PLEKHA5: variants seen among roughly 807,000 people sequenced by gnomAD.
PLEKHA5 encodes pleckstrin homology domain-containing family A member 5.
Under a neutral mutation model 181.9 loss-of-function variants are expected in PLEKHA5, and 55 were observed. The ratio of observed to expected loss-of-function variants is 0.30; its 90% CI spans 0.24 to 0.38. The LOEUF (loss-of-function observed/expected upper bound fraction) is 0.38, where lower values mean the gene tolerates loss of function less well. Ranked by LOEUF, PLEKHA5 falls within the 10% of genes least tolerant of loss-of-function variation. PLEKHA5 has a pLI of 1.00. For synonymous variants in PLEKHA5, 535 were observed against 529.4 expected (o/e 1.01, Z -0.15); for missense variants, 1,432 against 1,549.5 (o/e 0.92, Z 1.27).
chr12:19,321,346 TTTTCTTTTCTTTTC>T (rs1414286641), intron 18 of PLEKHA5, among the ~76,000 whole-genome samples: 4 of 82,624 alleles, frequency 4.8e-5, no homozygotes, highest in Non-Finnish European at 1.2e-4. Context: ...TTTTCTTTTC[TTTTCTTTTCTTTTC>T]TTTTTTTTTT....
At chr12:19,279,802 C>T (rs2075591927) in intron 11 of PLEKHA5, among the ~76,000 whole-genome samples, 1 of 151,836 alleles carries the variant, frequency 6.6e-6, no homozygotes, top group African/African-American at 2.4e-5. Flanking sequence ...AAGCAAGAAT[C>T]AAAACTTGGC....
intron 3 of PLEKHA5, among the ~76,000 whole-genome samples, chr12:19,223,847 G>C (rs1470952112): frequency 6.6e-6 from 1 of 152,042 alleles, no homozygotes; most frequent in Non-Finnish European, 1.5e-5. Context: ...TTGCTGGACC[G>C]CTACTCCAAA....
chr12:19,238,395 A>T (rs1445912734), intron 3 of PLEKHA5, among the ~76,000 whole-genome samples: 1 of 152,128 alleles, frequency 6.6e-6, no homozygotes, highest in East Asian at 1.9e-4. Flanking sequence ...CCAGTATATT[A>T]TACATCTATA....
chr12:19,148,232 T>G (rs959621676), intron 3 of PLEKHA5, among the ~76,000 whole-genome samples: 6 of 152,134 alleles, frequency 3.9e-5, no homozygotes, highest in Non-Finnish European at 8.8e-5. Context: ...AATTTTTGTA[T>G]TTTTAGTAGA....
At chr12:19,358,133 C>T in intron 26 of PLEKHA5, 95 bp from the exon 27 acceptor site, 1 of 834,914 alleles carries the variant, frequency 1.2e-6, no homozygotes, top group South Asian at 1.8e-5. Context: ...ATTTTGAAAA[C>T]AAAATAAATA....
intron 20 of PLEKHA5, among the ~76,000 whole-genome samples, chr12:19,330,067 G>C (rs749906221): frequency 6.6e-6 from 1 of 152,064 alleles, no homozygotes; most frequent in Non-Finnish European, 1.5e-5. Flanking sequence ...CAAAACAAAA[G>C]AAAATCCACA....
intron 21 of PLEKHA5, among the ~76,000 whole-genome samples, chr12:19,338,841 A>G (rs1391467308): frequency 6.6e-5 from 10 of 150,888 alleles, no homozygotes; most frequent in African/African-American, 2.4e-4. Flanking sequence ...CGGAGATCAC[A>G]CCATTGCACT....
intron 21 of PLEKHA5, among the ~76,000 whole-genome samples, chr12:19,341,257 GC>G (rs1186960475): frequency 6.6e-6 from 1 of 152,054 alleles, no homozygotes. Flanking sequence ...AGCCTGGGTG[GC>G]CGAGTGAGAC....
chr12:19,149,372 T>A (rs1005237769), intron 3 of PLEKHA5: 22 of 151,782 alleles, frequency 1.4e-4, no homozygotes, highest in African/African-American at 5.3e-4. Context: ...GATGTGGTGG[T>A]GGGTGCCTGA....
intron 15 of PLEKHA5, chr12:19,307,192 G>GC (rs1427411213): frequency 1.5e-6 from 1 of 654,004 alleles, no homozygotes; most frequent in Non-Finnish European, 2.8e-6. Context: ...AGAGAAAGGG[G>GC]CCCCACATGG....
intron 15 of PLEKHA5, among the ~76,000 whole-genome samples, chr12:19,302,251 T>G (rs370078321): frequency 1.3e-5 from 2 of 152,238 alleles, no homozygotes; most frequent in African/African-American, 4.8e-5. Flanking sequence ...TTCTTCTTAG[T>G]TAACAGTGAA....
At chr12:19,199,997 G>T (rs1422298553) in intron 3 of PLEKHA5, among the ~76,000 whole-genome samples, 1 of 152,076 alleles carries the variant, frequency 6.6e-6, no homozygotes. Flanking sequence ...AGGGGAGCTG[G>T]AGAAAGGTTG....
At chr12:19,317,281 G>A (rs962060519) in intron 16 of PLEKHA5, among the ~76,000 whole-genome samples, 2 of 151,800 alleles carry the variant, frequency 1.3e-5, no homozygotes, top group African/African-American at 2.4e-5. Flanking sequence ...ACAGGAGTCC[G>A]AAGCTGCAAT....
intron 11 of PLEKHA5, among the ~76,000 whole-genome samples, chr12:19,280,577 A>C (rs1472644258): frequency 6.6e-6 from 1 of 152,136 alleles, no homozygotes; most frequent in Admixed American, 6.6e-5. Context: ...TGTTAACTAA[A>C]CATTGAAAGA....
At chr12:19,222,071 G>A (rs2059022952) in intron 3 of PLEKHA5, among the ~76,000 whole-genome samples, 1 of 152,026 alleles carries the variant, frequency 6.6e-6, no homozygotes, top group South Asian at 2.1e-4. Context: ...CAGCCTGACA[G>A]CCTGAGCAAC....
intron 20 of PLEKHA5, among the ~76,000 whole-genome samples, chr12:19,332,650 T>C (rs1316266666): frequency 1.3e-5 from 2 of 152,148 alleles, no homozygotes; most frequent in East Asian, 3.9e-4. Context: ...ACATTTAAAC[T>C]ATAGGTGAGT....
intron 15 of PLEKHA5, among the ~76,000 whole-genome samples, chr12:19,300,035 G>A (rs879303296): frequency 1.3e-5 from 2 of 152,140 alleles, no homozygotes; most frequent in Non-Finnish European, 2.9e-5. Flanking sequence ...TGTAGTGCCT[G>A]TTCAACCTTA....
At chr12:19,251,142 ACAGTGTAATCC>A (rs1422208938) in intron 3 of PLEKHA5, among the ~76,000 whole-genome samples, 1 of 152,118 alleles carries the variant, frequency 6.6e-6, no homozygotes, top group African/African-American at 2.4e-5. Flanking sequence ...GCGGTGGCTC[ACAGTGTAATCC>A]CAGCACTTTG....
intron 29 of PLEKHA5, among the ~76,000 whole-genome samples, chr12:19,363,492 CCTT>C (rs1047966705): frequency 6.7e-6 from 1 of 148,254 alleles, no homozygotes; most frequent in African/African-American, 2.5e-5. Context: ...TCTTAACTAG[CCTT>C]CTTTTTTTTT....
Sources: allele counts gnomAD v4.1 joint callset (sites outside exome capture counted in the v4.1 genomes callset), GRCh38; gene constraint gnomAD v4.1.1; transcripts MANE v1.5; gene names NCBI Gene and HGNC (gene_info 2026-07-23, HGNC 2026-07-21).